The following IQCM variants were observed in gnomAD, a reference collection of about 807,000 sequenced individuals.
IQCM encodes the protein IQ motif containing M.
A neutral mutation model predicts 57.6 loss-of-function variants in IQCM; 45 were observed. The observed-to-expected ratio is 0.78, with a 90% CI of 0.62 to 1.00. IQCM has a LOEUF of 1.00. Ranked by LOEUF, IQCM falls within the 50% of genes least tolerant of loss-of-function variation. The pLI, the probability that IQCM is intolerant of heterozygous loss-of-function variation, is 0.00. For synonymous variants in IQCM, 148 were observed against 158.9 expected (o/e 0.93, Z 0.51); for missense variants, 468 against 511.6 (o/e 0.91, Z 0.82).
intron 8 of IQCM, among the ~76,000 whole-genome samples, chr4:149,611,066 T>G (rs997647418): frequency 6.6e-6 from 1 of 152,044 alleles, no homozygotes. Flanking sequence ...GAATAGACAT[T>G]TCTCAGAAGA....
At chr4:149,421,008 TGTTCAGTAGTGCCAATAATTATGACCAGC>T (rs1734084520) in intron 13 of IQCM, among the ~76,000 whole-genome samples, 1 of 40,660 alleles carries the variant, frequency 2.5e-5, no homozygotes, top group Non-Finnish European at 4.7e-5. Flanking sequence ...CCAGCACAAA[TGTTCAGTAGTGCCAATAATTATGACCAGC>T]ACAAATGTTC....
intron 8 of IQCM, among the ~76,000 whole-genome samples, chr4:149,620,079 C>T (rs1561068422): frequency 6.6e-6 from 1 of 152,134 alleles, no homozygotes; most frequent in African/African-American, 2.4e-5. Flanking sequence ...ATCACTTAAA[C>T]CCGGCAGGTG....
chr4:149,408,009 T>C (rs1733105334), intron 13 of IQCM, among the ~76,000 whole-genome samples: 1 of 152,118 alleles, frequency 6.6e-6, no homozygotes, highest in Admixed American at 6.6e-5. Flanking sequence ...ACATCTGCTG[T>C]TTTTTGACTT....
At chr4:149,459,491 A>G (rs932393317) in intron 12 of IQCM, among the ~76,000 whole-genome samples, 1 of 152,222 alleles carries the variant, frequency 6.6e-6, no homozygotes, top group Non-Finnish European at 1.5e-5. Flanking sequence ...TTAAATGTAC[A>G]GTTGAGTGGT....
chr4:149,670,069 G>A (rs1408124549), intron 7 of IQCM, among the ~76,000 whole-genome samples: 3 of 152,194 alleles, frequency 2.0e-5, no homozygotes, highest in Non-Finnish European at 4.4e-5. Context: ...ACCTTGGGCA[G>A]TAAGGCCATT....
intron 7 of IQCM, among the ~76,000 whole-genome samples, chr4:149,633,926 T>C (rs1416577387): frequency 1.3e-5 from 2 of 152,212 alleles, no homozygotes; most frequent in Non-Finnish European, 2.9e-5. Flanking sequence ...GACTATGTGA[T>C]AACAAAGATA....
chr4:149,527,332 A>G (rs187280281), intron 12 of IQCM, among the ~76,000 whole-genome samples: 31 of 152,294 alleles, frequency 2.0e-4, no homozygotes, highest in African/African-American at 6.7e-4. Context: ...CCCCAAATTC[A>G]TATGTTGACA....
chr4:149,420,327 A>T (rs144651219), intron 13 of IQCM, among the ~76,000 whole-genome samples: 227 of 152,136 alleles, frequency 1.5e-3, no homozygotes, highest in African/African-American at 5.2e-3. Context: ...AAGAAACAAG[A>T]TCATGTCCTT....
chr4:149,807,603 G>T (rs767272701), intron 2 of IQCM, among the ~76,000 whole-genome samples: 42 of 151,852 alleles, frequency 2.8e-4, no homozygotes, highest in Non-Finnish European at 5.4e-4. Context: ...AAGCTAAAAG[G>T]TTTCTGCACG....
intron 2 of IQCM, among the ~76,000 whole-genome samples, chr4:149,794,038 T>G (rs928850114): frequency 6.6e-6 from 1 of 152,182 alleles, no homozygotes; most frequent in South Asian, 2.1e-4. Flanking sequence ...TTAGAGAAGA[T>G]AGCATGCAGA....
At chr4:149,533,843 C>T (rs1278489072) in intron 12 of IQCM, among the ~76,000 whole-genome samples, 2 of 152,050 alleles carry the variant, frequency 1.3e-5, no homozygotes, top group African/African-American at 2.4e-5. Flanking sequence ...GGTGGGGACA[C>T]AGCCAAACCA....
intron 2 of IQCM, among the ~76,000 whole-genome samples, chr4:149,778,598 T>C (rs995059715): frequency 4.0e-5 from 6 of 151,620 alleles, no homozygotes; most frequent in Non-Finnish European, 7.4e-5. Flanking sequence ...AATTGAGAAA[T>C]CCCTAGTAAG....
At chr4:149,582,307 C>CT (rs1752265267) in intron 9 of IQCM, among the ~76,000 whole-genome samples, 1 of 88,176 alleles carries the variant, frequency 1.1e-5, no homozygotes, top group South Asian at 4.3e-4. Flanking sequence ...ATGCTGTAGA[C>CT]ATATATATAT....
chr4:149,637,659 G>T (rs746269675), intron 7 of IQCM, among the ~76,000 whole-genome samples: 1 of 152,094 alleles, frequency 6.6e-6, no homozygotes, highest in Non-Finnish European at 1.5e-5. Flanking sequence ...AAGATAATAC[G>T]GTATTAGCAA....
chr4:149,619,083 T>C (rs1234922912), intron 8 of IQCM, among the ~76,000 whole-genome samples: 2 of 136,492 alleles, frequency 1.5e-5, no homozygotes, highest in South Asian at 2.3e-4. Context: ...CATCAATAGA[T>C]GACTGGATTA....
At chr4:149,629,972 C>A (rs371263454) in intron 7 of IQCM, among the ~76,000 whole-genome samples, 500 of 5,454 alleles carry the variant, frequency 0.092, 2 homozygotes, top group African/African-American at 0.24. Flanking sequence ...TTTTTGGGAG[C>A]GGGTGTGGGG....
chr4:149,623,720 T>G (rs113908353), intron 7 of IQCM, among the ~76,000 whole-genome samples: 12 of 137,324 alleles, frequency 8.7e-5, no homozygotes, highest in African/African-American at 2.2e-4. Context: ...GAATCCCAGG[T>G]GTGTGTGTGT....
At chr4:149,425,517 G>T (rs1273661923) in intron 13 of IQCM, among the ~76,000 whole-genome samples, 2 of 152,116 alleles carry the variant, frequency 1.3e-5, no homozygotes, top group East Asian at 3.9e-4. Context: ...CAGGAGCACT[G>T]ATGTCCAAGG....
intron 9 of IQCM, among the ~76,000 whole-genome samples, chr4:149,569,965 T>C (rs1035466157): frequency 1.3e-5 from 2 of 152,094 alleles, no homozygotes; most frequent in African/African-American, 2.4e-5. Context: ...TTGCTTTTAC[T>C]AGTACAAACT....
Sources: allele counts gnomAD v4.1 joint callset (sites outside exome capture counted in the v4.1 genomes callset), GRCh38; gene constraint gnomAD v4.1.1; transcripts MANE v1.5; gene names NCBI Gene and HGNC (gene_info 2026-07-23, HGNC 2026-07-21).